The following CABCOCO1 variants were observed in gnomAD, a reference collection of about 807,000 sequenced individuals.
CABCOCO1 encodes the protein ciliary-associated calcium-binding coiled-coil protein 1.
A neutral mutation model predicts 35.7 loss-of-function variants in CABCOCO1; 28 were observed. The ratio of observed to expected loss-of-function variants is 0.78; its 90% CI spans 0.58 to 1.07. The LOEUF is 1.07. CABCOCO1 is among the 50% of genes least tolerant of loss of function. CABCOCO1 has a pLI of 0.00. For synonymous variants in CABCOCO1, 95 were observed against 100.1 expected (o/e 0.95, Z 0.30); for missense variants, 326 against 309.2 (o/e 1.05, Z -0.41).
At chr10:61,663,231 C>T (rs933108614) in intron 1 of CABCOCO1, 199 bp downstream of exon 1, 6 of 164,886 alleles carry the variant, frequency 3.6e-5, no homozygotes, top group African/African-American at 1.4e-4. Context: ...CTCTGCAGCC[C>T]GGCGCCCCCC....
intron 7 of CABCOCO1, among the ~76,000 whole-genome samples, chr10:61,761,595 T>C (rs965563380): frequency 6.6e-6 from 1 of 152,174 alleles, no homozygotes; most frequent in Non-Finnish European, 1.5e-5. Context: ...CAGCCATTTC[T>C]ACCTCAACTC....
intron 5 of CABCOCO1, among the ~76,000 whole-genome samples, chr10:61,702,712 G>A (rs918487710): frequency 2.6e-5 from 4 of 152,080 alleles, no homozygotes; most frequent in Admixed American, 6.6e-5. Context: ...CTTTAGGCTT[G>A]GTGAGTGTTT....
At chr10:61,680,723 T>C (rs1034638811) in intron 2 of CABCOCO1, among the ~76,000 whole-genome samples, 1 of 130,122 alleles carries the variant, frequency 7.7e-6, no homozygotes, top group African/African-American at 2.8e-5. Flanking sequence ...ATAACATATA[T>C]ATTATATATA....
At chr10:61,714,036 G>C (rs1157517826) in intron 5 of CABCOCO1, among the ~76,000 whole-genome samples, 1 of 151,736 alleles carries the variant, frequency 6.6e-6, no homozygotes, top group Non-Finnish European at 1.5e-5. Flanking sequence ...AAATGAGTTA[G>C]GGAGGATTCC....
chr10:61,673,173 C>T (rs1162749788), intron 2 of CABCOCO1, among the ~76,000 whole-genome samples: 3 of 152,108 alleles, frequency 2.0e-5, no homozygotes, highest in Admixed American at 1.3e-4. Flanking sequence ...CTGTGATTCT[C>T]ATCAGAAATA....
chr10:61,690,989 T>C (rs563869749), intron 5 of CABCOCO1, among the ~76,000 whole-genome samples: 3 of 152,118 alleles, frequency 2.0e-5, no homozygotes, highest in Non-Finnish European at 4.4e-5. Flanking sequence ...TGAAATCCCT[T>C]CTAATTTCAC....
chr10:61,754,575 T>C (rs1841858457), intron 5 of CABCOCO1, among the ~76,000 whole-genome samples: 1 of 152,072 alleles, frequency 6.6e-6, no homozygotes. Context: ...ACTTTAATCA[T>C]CTAACTTTTT....
At chr10:61,668,612 C>T (rs1033097026) in intron 1 of CABCOCO1, among the ~76,000 whole-genome samples, 4 of 151,958 alleles carry the variant, frequency 2.6e-5, no homozygotes, top group Non-Finnish European at 5.9e-5. Context: ...GAATGTGACA[C>T]AAATTTGTTT....
chr10:61,693,475 G>A (rs949841845), intron 5 of CABCOCO1, among the ~76,000 whole-genome samples: 9 of 151,994 alleles, frequency 5.9e-5, no homozygotes, highest in African/African-American at 2.2e-4. Flanking sequence ...TTTAATTGTG[G>A]ATAGATGAGA....
chr10:61,686,117 A>G lies in CABCOCO1; in HGVS notation c.411A>G (p.Gln137=). The G allele has an allele frequency of 1.9e-6, 3 of 1,607,794 alleles. No individual in the cohort carries two copies. The highest frequency in any genetic ancestry group is 2.5e-6 in the Non-Finnish European group (3 of 1,178,224). ...CTGAAATAGGACCAACACATTCGCA[A>G]AAGAGTGAGGACTGGAATATCTTTG... ...VMAEIGPTHS[Q]KSEDWNIFDV... is the part of the protein sequence containing the mutation. Residue 137 remains glutamine, a synonymous_variant, in exon 4 of 8, where the codon CAA becomes CAG. Transcript: ENST00000648843.
intron 5 of CABCOCO1, among the ~76,000 whole-genome samples, chr10:61,732,075 G>A (rs1028492009): frequency 1.3e-5 from 2 of 152,132 alleles, no homozygotes; most frequent in African/African-American, 4.8e-5. Context: ...AAATTTGCCA[G>A]TTTTATATAA....
Position 61,749,215 on chromosome 10 carries a change from A to C in CABCOCO1, c.553-10844A>C, listed in dbSNP as rs575594878. On this transcript the variant is annotated intron_variant, in intron 5 of 7. Coordinates refer to ENST00000648843, the MANE Select transcript of CABCOCO1 (RefSeq NM_001366906.2). ...AAAAATATGGAAATGGATTTAAAGCACATTACAGTGCACAGTGGAAGAATA... is the reference window on the plus strand; with the variant it reads ...AAAAATATGGAAATGGATTTAAAGCCCATTACAGTGCACAGTGGAAGAATA... 5.4e-4 allele frequency among the ~76,000 whole-genome samples: 82 copies of C among 152,352 alleles called. 1 individual carries two copies. The highest frequency in any genetic ancestry group is 9.0e-4 in the Non-Finnish European group (61 of 68,028).
At chr10:61,664,485 A>G (rs561373650) in intron 1 of CABCOCO1, among the ~76,000 whole-genome samples, 1 of 152,326 alleles carries the variant, frequency 6.6e-6, no homozygotes, top group East Asian at 1.9e-4. Context: ...GTTGAGTCAG[A>G]TGAATGAGCT....
chr10:61,694,751 T>C (rs1173279756), intron 5 of CABCOCO1, among the ~76,000 whole-genome samples: 1 of 152,072 alleles, frequency 6.6e-6, no homozygotes, highest in African/African-American at 2.4e-5. Context: ...GCTAAGAGAC[T>C]TAAAAGCTGA....
At chr10:61,663,446 T>C (rs1839071774) in intron 1 of CABCOCO1, among the ~76,000 whole-genome samples, 2 of 152,114 alleles carry the variant, frequency 1.3e-5, no homozygotes, top group African/African-American at 4.8e-5. Context: ...TTTTTGAAAT[T>C]GCTACTAATT....
chr10:61,723,261 A>G (rs1841066178), intron 5 of CABCOCO1, among the ~76,000 whole-genome samples: 1 of 152,250 alleles, frequency 6.6e-6, no homozygotes, highest in Non-Finnish European at 1.5e-5. Flanking sequence ...AACACTAAAA[A>G]AGACTTGATA....
intron 5 of CABCOCO1, among the ~76,000 whole-genome samples, chr10:61,742,400 C>T (rs193120948): frequency 6.6e-6 from 1 of 151,954 alleles, no homozygotes; most frequent in African/African-American, 2.4e-5. Context: ...ATGTGTTGCA[C>T]GAACTATATG....
chr10:61,668,335 T>C (rs138945136), intron 1 of CABCOCO1, among the ~76,000 whole-genome samples: 20 of 152,152 alleles, frequency 1.3e-4, no homozygotes, highest in African/African-American at 4.3e-4. Flanking sequence ...TTCAGGGTTT[T>C]GTGTGTAGAC....
chr10:61,755,076 A>T (rs1222041808), intron 5 of CABCOCO1, among the ~76,000 whole-genome samples: 1 of 152,184 alleles, frequency 6.6e-6, no homozygotes, highest in Non-Finnish European at 1.5e-5. Flanking sequence ...ACATTTACAG[A>T]GTATATTAAG....
Sources: gnomAD v4.1 joint callset for allele counts (sites outside exome capture counted in the v4.1 genomes callset) on GRCh38, gnomAD v4.1.1 for gene constraint, MANE v1.5 for transcripts, NCBI Gene and HGNC (gene_info 2026-07-23, HGNC 2026-07-21) for gene names.